Variants in NBPF19 observed in about 807,000 individuals in gnomAD.
NBPF19 encodes the protein NBPF member 19.
Under a neutral mutation model 45.9 loss-of-function variants are expected in NBPF19, and 30 were observed. The ratio of observed to expected loss-of-function variants is 0.65; its 90% CI spans 0.49 to 0.89. The LOEUF is 0.89. Ranked by LOEUF, NBPF19 falls within the 40% of genes least tolerant of loss-of-function variation. NBPF19 has a pLI of 0.00. For missense variants in NBPF19, 495 were observed against 471.8 expected, an observed-to-expected ratio of 1.05 and a Z score of -0.46; for synonymous variants, 183 against 181.2, an observed-to-expected ratio of 1.01 and a Z score of -0.08.
At position 149,521,136 on chromosome 1, in the gene NBPF19, C is replaced by G. The variant is rs1373899378; in HGVS notation, c.6165-183C>G. 4.8e-5 allele frequency among the ~76,000 whole-genome samples: 4 copies of G among 82,716 alleles called. 1 individual carries two copies. Among genetic ancestry groups the G allele is most frequent in the African/African-American group, 1.9e-4 (4 of 20,526 alleles). 54.3% of individuals were successfully genotyped at this position (82,716 alleles called of 152,430 possible). On this transcript the variant is annotated intron_variant, in intron 51 of 93. Transcript: ENST00000651566. ...TCTCTCTCTCTCTCTCTGTCTTTCT[C>G]TTTCATTGTTTTCTACCTGGCCCTG...
chr1:149,481,453 G>A (rs1244995185), intron 6 of NBPF19, among the ~76,000 whole-genome samples: 3 of 47,994 alleles, frequency 6.3e-5, no homozygotes, highest in African/African-American at 9.8e-5. Context: ...CTGATCCAAT[G>A]TTTCTTTGTA....
Position 149,488,022 on chromosome 1 carries a change from G to T in NBPF19, c.1050G>T (p.Arg350Ser). ...DQEATGPRLSRELLDEKGPEV... is the reference protein window; with the variant it reads ...DQEATGPRLSSELLDEKGPEV... ...TTTCCCACTTTTCCAGGCTCAGCAG[G>T]GAGCTGCTGGATGAGAAAGGGCCTG... The change falls in exon 10 of 94, where the codon AGG becomes AGT. Residue 350 changes from arginine (R) to serine (S), a missense_variant. By Grantham distance (110) the Arg-to-Ser change is moderately radical. This residue lies in a region of NBPF19 where 146 missense variants were observed against 67.3 expected (regional missense o/e 2.17). Coordinates refer to ENST00000651566, the MANE Select transcript of NBPF19 (RefSeq NM_001351365.2). The T allele has an allele frequency of 1.5e-6, 1 of 678,312 alleles. No homozygotes were observed. Among genetic ancestry groups the T allele is most frequent in the Admixed American group, 2.2e-5 (1 of 46,264 alleles). 42.0% of individuals were successfully genotyped at this position (678,312 alleles called of 1,614,324 possible). A position where few individuals can be genotyped will look rare whatever the true frequency, so the allele number is the denominator to read the frequency against.
chr1:149,486,959 C>A (rs1224023611), intron 8 of NBPF19, among the ~76,000 whole-genome samples: 1 of 150,580 alleles, frequency 6.6e-6, no homozygotes, highest in Admixed American at 6.6e-5. Context: ...TCTGTGTCCA[C>A]AATCTCATAA....
At chr1:149,486,376 T>C in intron 8 of NBPF19, 83 bp downstream of exon 8, 4 of 653,740 alleles carry the variant, frequency 6.1e-6, no homozygotes, top group Non-Finnish European at 1.1e-5. Flanking sequence ...GTGCCCCTTG[T>C]TGGGCTGAGA....
intron 8 of NBPF19, among the ~76,000 whole-genome samples, 155 bp downstream of exon 8, chr1:149,486,448 G>A (rs1363996324): frequency 6.7e-6 from 1 of 149,176 alleles, no homozygotes; most frequent in East Asian, 2.0e-4. Context: ...CTGGAGTCAA[G>A]TCTGAAGCAC....
intron 3 of NBPF19, 36 bp from the exon 4 acceptor site, chr1:149,478,844 T>C: frequency 6.4e-7 from 1 of 1,551,078 alleles, no homozygotes; most frequent in Non-Finnish European, 8.9e-7. Context: ...ACTCAACCCT[T>C]TCTACTCTTA....
chr1:149,494,033 G>C (rs1438242614), intron 17 of NBPF19, among the ~76,000 whole-genome samples: 1 of 111,148 alleles, frequency 9.0e-6, no homozygotes, highest in Non-Finnish European at 1.7e-5. Flanking sequence ...CACTAACTCA[G>C]AGTGTCCTTT....
chr1:149,554,447 G>A (rs1571066870), intron 93 of NBPF19, 48 bp from the exon 94 acceptor site: 11 of 1,607,914 alleles, frequency 6.8e-6, no homozygotes, highest in East Asian at 2.2e-5. Context: ...GGGCTCTGTG[G>A]TGTCTGATTT....
chr1:149,487,929 C>G, intron 9 of NBPF19, 84 bp from the exon 10 acceptor site: 1 of 726,422 alleles, frequency 1.4e-6, no homozygotes, highest in Non-Finnish European at 2.5e-6. Context: ...CAAACTCTTC[C>G]TTATGTTAGC....
chr1:149,488,308 A>G (rs2085741594), intron 10 of NBPF19, 123 bp downstream of exon 10: 1 of 595,248 alleles, frequency 1.7e-6, no homozygotes, highest in South Asian at 2.0e-5. Context: ...ACCTATAGGC[A>G]CATGTAGGTT....
chr1:149,515,207 TTGC>T, intron 44 of NBPF19, 99 bp downstream of exon 44: 1 of 551,144 alleles, frequency 1.8e-6, no homozygotes. Flanking sequence ...AGAGATGTCG[TTGC>T]CGCAGTGAGG....
Position 149,555,683 on chromosome 1 carries a change from A to G in NBPF19, c.*945A>G, listed in dbSNP as rs2087234263. ...TCTTTAGTTATTTTGAACCCCAAAT[A>G]TTTCCTCATCTTTTTGTTGTTGTCA... On this transcript the variant is annotated 3_prime_UTR_variant, in exon 94 of 94. Coordinates refer to ENST00000651566, the MANE Select transcript of NBPF19 (RefSeq NM_001351365.2). 1 of 150,870 alleles carries G rather than the reference A, an allele frequency of 6.6e-6. No homozygotes were observed. The highest frequency in any genetic ancestry group is 2.1e-4 in the South Asian group (1 of 4,784). The allele number at this position is 150,870 out of a possible 1,614,324, so 9.3% of individuals were successfully genotyped here. A position where few individuals can be genotyped will look rare whatever the true frequency, so the allele number is the denominator to read the frequency against.
chr1:149,554,995 A>G lies in NBPF19; in HGVS notation c.*257A>G. The G allele has an allele frequency of 4.7e-6, 3 of 636,350 alleles. 1 individual carries two copies. Among genetic ancestry groups the G allele is most frequent in the Non-Finnish European group, 7.7e-6 (3 of 390,918 alleles). The allele number at this position is 636,350 out of a possible 1,614,324, so 39.4% of individuals were successfully genotyped here. ...TGATCAGTCGGACATTTTAATTTGA[A>G]CCACGTATCTTTGGGTAGCTACAAA... On this transcript the variant is annotated 3_prime_UTR_variant, in exon 94 of 94. Coordinates refer to ENST00000651566, the MANE Select transcript of NBPF19 (RefSeq NM_001351365.2).
Position 149,488,393 on chromosome 1 carries a change from G to T in NBPF19, c.1213+208G>T, listed in dbSNP as rs2085754114. On this transcript the variant is annotated intron_variant, in intron 10 of 93. Transcript: ENST00000651566. ...GAGCAAGGCTCTCTTCCTAGTCTCA[G>T]GCCATACCTGTGGCGCCCTAATCCT... Among the ~76,000 whole-genome samples the T allele has an allele frequency of 2.8e-5, 4 of 142,522 alleles. 1 individual carries two copies. The highest frequency in any genetic ancestry group is 4.5e-4 in the East Asian group (2 of 4,404). 93.5% of individuals were successfully genotyped at this position (142,522 alleles called of 152,430 possible). A position where few individuals can be genotyped will look rare whatever the true frequency, so the allele number is the denominator to read the frequency against.
chr1:149,487,901 A>T (rs1280004366), intron 9 of NBPF19, 112 bp from the exon 10 acceptor site: 1 of 742,040 alleles, frequency 1.3e-6, no homozygotes, highest in Non-Finnish European at 2.5e-6. Flanking sequence ...TCACTAATGG[A>T]TCTCTCCTTT....
chr1:149,487,751 C>G (rs2085664284), intron 9 of NBPF19, among the ~76,000 whole-genome samples: 1 of 148,684 alleles, frequency 6.7e-6, no homozygotes, highest in African/African-American at 2.5e-5. Flanking sequence ...CAGTGTGTCA[C>G]CTGACCAATT....
At chr1:149,554,413 T>C in intron 93 of NBPF19, 82 bp from the exon 94 acceptor site, 2 of 1,607,342 alleles carry the variant, frequency 1.2e-6, no homozygotes, top group South Asian at 1.1e-5. Flanking sequence ...AACCACTTCC[T>C]TATGTGACTT....
rs1370544263 is a variant in NBPF19 at position 149,483,597 on chromosome 1, C to T, written c.824+1371C>T. The stretch of plus-strand genomic sequence containing the variant: ...TATGATGTTAGCTGGTTATTTCTTC[C>T]GTTAGTTGATGCAGTTTCTTCCTAG... On this transcript the variant is annotated intron_variant, in intron 7 of 93. Transcript: ENST00000651566. 1.4e-4 allele frequency among the ~76,000 whole-genome samples: 21 copies of T among 150,454 alleles called. 1 individual carries two copies. Among genetic ancestry groups the T allele is most frequent in the African/African-American group, 4.7e-4 (19 of 40,848 alleles).
intron 2 of NBPF19, among the ~76,000 whole-genome samples, chr1:149,476,855 A>G (rs2084864267): frequency 6.8e-6 from 1 of 147,458 alleles, no homozygotes. Context: ...GAATCCTTTG[A>G]ACCCAGCAGG....
Sources: gnomAD v4.1 joint callset for allele counts (sites outside exome capture counted in the v4.1 genomes callset) on GRCh38, gnomAD v4.1.1 for gene constraint, gnomAD v4.1.1 regional missense constraint, MANE v1.5 for transcripts, NCBI Gene and HGNC (gene_info 2026-07-23, HGNC 2026-07-21) for gene names.